The following C12orf60 variants were observed in gnomAD, a reference collection of about 807,000 sequenced individuals.
C12orf60 encodes chromosome 12 open reading frame 60, also known as uncharacterized protein C12orf60.
For missense variants in C12orf60, 284 were observed against 283.2 expected, an observed-to-expected ratio of 1.00 and a Z score of -0.02; for synonymous variants, 102 against 94.6, an observed-to-expected ratio of 1.08 and a Z score of -0.45.
At position 14,806,345 on chromosome 12, in the gene C12orf60, T is replaced by G. The variant is rs760799839; in HGVS notation, c.-25+2594T>G. On this transcript the variant is annotated intron_variant, in intron 1 of 1. Coordinates refer to ENST00000330828, the MANE Select transcript of C12orf60 (RefSeq NM_175874.4). ...GGATGACCGAAATAACCTTTTGCAC[T>G]ATTGCAATTTTGTCTGTTTCCTTTT... 9 of 1,614,230 alleles carry G rather than the reference T, an allele frequency of 5.6e-6. No homozygotes were observed. The Admixed American group carries it at 1.3e-4, about 24-fold the overall frequency.
At position 14,817,916 on chromosome 12, in the gene C12orf60, A is replaced by G. The variant is rs1048933792; in HGVS notation, c.-24-4996A>G. Reference sequence around the variant, plus strand: ...TTGAGGAATTGCCATACTATCTTCCACAATGATTGAACTAATTTACATTCC... The same window carrying G: ...TTGAGGAATTGCCATACTATCTTCCGCAATGATTGAACTAATTTACATTCC... On this transcript the variant is annotated intron_variant, in intron 1 of 1. Transcript: ENST00000330828. Among the ~76,000 whole-genome samples the G allele has an allele frequency of 2.6e-5, 4 of 152,334 alleles. 1 individual carries two copies. In the East Asian group the frequency reaches 7.7e-4, roughly 29 times the overall value.
At chr12:14,812,392 C>T (rs1469774416) in intron 1 of C12orf60, among the ~76,000 whole-genome samples, 3 of 151,812 alleles carry the variant, frequency 2.0e-5, no homozygotes, top group Non-Finnish European at 4.4e-5. Context: ...TGCAGTGAGC[C>T]GAGATTGTGC....
At chr12:14,808,989 C>T (rs576983850) in intron 1 of C12orf60, among the ~76,000 whole-genome samples, 41 of 152,220 alleles carry the variant, frequency 2.7e-4, no homozygotes, top group Admixed American at 7.2e-4. Flanking sequence ...AGTAATTTTC[C>T]ATTAAACGTT....
At chr12:14,815,097 A>G (rs1234642835) in intron 1 of C12orf60, among the ~76,000 whole-genome samples, 1 of 152,244 alleles carries the variant, frequency 6.6e-6, no homozygotes, top group East Asian at 1.9e-4. Flanking sequence ...TATTAACAAC[A>G]GTATCTCCTG....
intron 1 of C12orf60, among the ~76,000 whole-genome samples, chr12:14,821,838 C>A (rs904118970): frequency 6.6e-6 from 1 of 151,910 alleles, no homozygotes; most frequent in Admixed American, 6.6e-5. Flanking sequence ...GAGAAAGAAG[C>A]CTGCAAGGTC....
In C12orf60 at chr12:14,818,183, A is replaced by T. The variant is rs921630696; in HGVS notation, c.-24-4729A>T. On this transcript the variant is annotated intron_variant, in intron 1 of 1. Transcript: ENST00000330828. ...TTGCCCATTTTTTGATAGGGTTGTA[A>T]ATTTGTTTAAGTTCCTTGTAAATTC... Among the ~76,000 whole-genome samples, 4 of 151,932 alleles carry T rather than the reference A, an allele frequency of 2.6e-5. No individual in the cohort carries two copies. The East Asian group carries it at 7.7e-4, about 29-fold the overall frequency.
rs1592226101 is a variant in C12orf60, at chr12:14,803,763, C to T, written c.-25+12C>T. ...TTGCTGGGAGCCTGGTACGTTGAGC[C>T]GTCCGAGAACGGTACATTCTGCAGA... On this transcript the variant is annotated intron_variant, in intron 1 of 1. Transcript: ENST00000330828. 4 of 344,458 alleles carry T rather than the reference C, an allele frequency of 1.2e-5. No homozygotes were observed. The allele number at this position is 344,458 out of a possible 1,614,324, so 21.3% of individuals were successfully genotyped here.
chr12:14,821,838 C>G (rs904118970), intron 1 of C12orf60, among the ~76,000 whole-genome samples: 5 of 152,028 alleles, frequency 3.3e-5, no homozygotes, highest in African/African-American at 9.7e-5. Context: ...GAGAAAGAAG[C>G]CTGCAAGGTC....
intron 1 of C12orf60, among the ~76,000 whole-genome samples, chr12:14,813,549 G>A (rs1950172778): frequency 6.6e-6 from 1 of 152,204 alleles, no homozygotes; most frequent in Admixed American, 6.5e-5. Flanking sequence ...TTTATCAAGT[G>A]CTCACTGGTG....
chr12:14,819,560 A>T (rs1203554990), intron 1 of C12orf60, among the ~76,000 whole-genome samples: 1 of 152,172 alleles, frequency 6.6e-6, no homozygotes, highest in Non-Finnish European at 1.5e-5. Context: ...ATTAAATAGA[A>T]CTAGTGAACG....
chr12:14,812,894 A>T (rs190066811), intron 1 of C12orf60, among the ~76,000 whole-genome samples: 518 of 152,262 alleles, frequency 3.4e-3, no homozygotes, highest in Non-Finnish European at 5.1e-3. Context: ...CCAGTCAAAG[A>T]TGGTCCTGTT....
intron 1 of C12orf60, among the ~76,000 whole-genome samples, chr12:14,811,253 T>G (rs1287192338): frequency 6.6e-6 from 1 of 152,218 alleles, no homozygotes; most frequent in African/African-American, 2.4e-5. Flanking sequence ...AAATGGGTTC[T>G]GTAGTGCCCT....
intron 1 of C12orf60, among the ~76,000 whole-genome samples, chr12:14,815,904 C>T (rs1950208222): frequency 1.3e-5 from 2 of 152,142 alleles, no homozygotes; most frequent in Non-Finnish European, 2.9e-5. Context: ...ACATAGCAGC[C>T]TAAGTGGAGT....
intron 1 of C12orf60, among the ~76,000 whole-genome samples, chr12:14,812,642 G>A (rs1223816311): frequency 6.6e-6 from 1 of 151,836 alleles, no homozygotes; most frequent in Non-Finnish European, 1.5e-5. Flanking sequence ...TAAGTAATGG[G>A]AATTAAATTT....
At chr12:14,816,160 C>G (rs907504214) in intron 1 of C12orf60, among the ~76,000 whole-genome samples, 1 of 95,976 alleles carries the variant, frequency 1.0e-5, no homozygotes, top group Non-Finnish European at 2.3e-5. Flanking sequence ...ATCTTGGAGT[C>G]AGGGTGGTTT....
intron 1 of C12orf60, among the ~76,000 whole-genome samples, chr12:14,807,752 C>G (rs1950075821): frequency 6.6e-6 from 1 of 152,160 alleles, no homozygotes; most frequent in African/African-American, 2.4e-5. Context: ...TGTGATTATT[C>G]TCCATTTGCA....
At chr12:14,814,651 A>C (rs1351622469) in intron 1 of C12orf60, among the ~76,000 whole-genome samples, 1 of 152,128 alleles carries the variant, frequency 6.6e-6, no homozygotes, top group Non-Finnish European at 1.5e-5. Context: ...CTTTCCAGCT[A>C]GGAGTTCTCC....
intron 1 of C12orf60, among the ~76,000 whole-genome samples, chr12:14,818,107 A>G (rs1318212015): frequency 2.6e-5 from 4 of 151,902 alleles, no homozygotes; most frequent in Non-Finnish European, 5.9e-5. Flanking sequence ...TTTTTTATAC[A>G]TTTGTTGGTC....
At chr12:14,819,671 T>A (rs1592241736) in intron 1 of C12orf60, among the ~76,000 whole-genome samples, 1 of 152,150 alleles carries the variant, frequency 6.6e-6, no homozygotes, top group Non-Finnish European at 1.5e-5. Context: ...TAAGGAAGTT[T>A]TCTTATATTC....
Sources: gnomAD v4.1 joint callset for allele counts (sites outside exome capture counted in the v4.1 genomes callset) on GRCh38, gnomAD v4.1.1 for gene constraint, MANE v1.5 for transcripts, NCBI Gene and HGNC (gene_info 2026-07-23, HGNC 2026-07-21) for gene names.